LHFPL3: variants seen among roughly 807,000 people sequenced by gnomAD.
LHFPL3 encodes LHFPL tetraspan subfamily member 3, also known as LHFPL tetraspan subfamily member 3 protein.
LHFPL3 carries 5 observed loss-of-function variants against 19.3 expected under a neutral mutation model. That is an observed-to-expected ratio of 0.26 (90% CI 0.14 to 0.54). The LOEUF (loss-of-function observed/expected upper bound fraction) is 0.54. LHFPL3 is among the 20% of genes least tolerant of loss of function. The pLI is 0.94. For synonymous variants in LHFPL3, 133 were observed against 126.2 expected, an observed-to-expected ratio of 1.05 and a Z score of -0.36; for missense variants, 249 against 307.4, an observed-to-expected ratio of 0.81 and a Z score of 1.42.
chr7:104,385,996 G>T (rs558007057), intron 1 of LHFPL3, among the ~76,000 whole-genome samples: 9 of 151,966 alleles, frequency 5.9e-5, no homozygotes, highest in Non-Finnish European at 1.2e-4. Context: ...TTAACCAAAG[G>T]CTTACAAAAA....
At chr7:104,738,700 C>T (rs972132786) in intron 2 of LHFPL3, 1 of 152,128 alleles carries the variant, frequency 6.6e-6, no homozygotes, top group Admixed American at 6.5e-5. Context: ...AAAAGAACAG[C>T]TTAGAGGTAT....
chr7:104,502,231 A>T (rs1453052230), intron 1 of LHFPL3, among the ~76,000 whole-genome samples: 1 of 152,206 alleles, frequency 6.6e-6, no homozygotes, highest in Non-Finnish European at 1.5e-5. Context: ...AGGAAGCAAA[A>T]TGCAACTTGC....
intron 2 of LHFPL3, among the ~76,000 whole-genome samples, chr7:104,766,304 G>C (rs1047595753): frequency 6.6e-6 from 1 of 152,178 alleles, no homozygotes; most frequent in Non-Finnish European, 1.5e-5. Context: ...TTTGGTAGAG[G>C]CCAATATAAG....
chr7:104,582,982 T>C (rs1177147760), intron 1 of LHFPL3, among the ~76,000 whole-genome samples: 1 of 151,966 alleles, frequency 6.6e-6, no homozygotes, highest in East Asian at 1.9e-4. Context: ...TCAAAATAGA[T>C]TTGTTCAAAC....
intron 1 of LHFPL3, among the ~76,000 whole-genome samples, chr7:104,417,440 T>A (rs962840571): frequency 6.6e-6 from 1 of 152,240 alleles, no homozygotes; most frequent in African/African-American, 2.4e-5. Context: ...AAATGGTGCC[T>A]TAAGGTTGAT....
chr7:104,685,396 C>G (rs568147865), intron 1 of LHFPL3, among the ~76,000 whole-genome samples: 5 of 152,220 alleles, frequency 3.3e-5, no homozygotes, highest in Admixed American at 6.5e-5. Context: ...AGCACCAGTT[C>G]AGCCCCAACC....
chr7:104,367,138 A>T (rs1022605032), intron 1 of LHFPL3, among the ~76,000 whole-genome samples: 2 of 152,202 alleles, frequency 1.3e-5, no homozygotes, highest in South Asian at 4.1e-4. Context: ...GAGTTTGTGG[A>T]TTAATTATAT....
intron 2 of LHFPL3, among the ~76,000 whole-genome samples, chr7:104,901,333 GTTA>G (rs1352403812): frequency 2.0e-5 from 3 of 152,158 alleles, no homozygotes; most frequent in African/African-American, 7.2e-5. Flanking sequence ...ATCACAGCTG[GTTA>G]TTATTATTCA....
At chr7:104,552,427 G>C (rs1465663729) in intron 1 of LHFPL3, among the ~76,000 whole-genome samples, 1 of 152,188 alleles carries the variant, frequency 6.6e-6, no homozygotes, top group African/African-American at 2.4e-5. Flanking sequence ...AAGGAGACTA[G>C]AGTGTCACCC....
At chr7:104,824,583 A>ATATATATAATTATATATTATATATAAT (rs1790774713) in intron 2 of LHFPL3, among the ~76,000 whole-genome samples, 1 of 75,562 alleles carries the variant, frequency 1.3e-5, no homozygotes, top group Non-Finnish European at 2.3e-5. Context: ...TTTATATATA[A>ATATATATAATTATATATTATATATAAT]TATATATAAT....
intron 1 of LHFPL3, among the ~76,000 whole-genome samples, chr7:104,551,821 G>A (rs191328770): frequency 1.3e-5 from 2 of 152,262 alleles, no homozygotes; most frequent in East Asian, 1.9e-4. Flanking sequence ...GCAGGAGAAC[G>A]GAGGGAAAGA....
chr7:104,732,544 T>C (rs890268901), intron 1 of LHFPL3, among the ~76,000 whole-genome samples: 2 of 152,220 alleles, frequency 1.3e-5, no homozygotes, highest in East Asian at 1.9e-4. Flanking sequence ...GATGGTATTT[T>C]GTCTTTCTGT....
intron 2 of LHFPL3, among the ~76,000 whole-genome samples, chr7:104,794,423 A>G (rs956887725): frequency 6.6e-6 from 1 of 152,194 alleles, no homozygotes; most frequent in East Asian, 1.9e-4. Flanking sequence ...CACATGGGGA[A>G]TGGTGTTGAA....
chr7:104,721,410 G>A (rs1460157916), intron 1 of LHFPL3, among the ~76,000 whole-genome samples: 8 of 152,056 alleles, frequency 5.3e-5, no homozygotes, highest in African/African-American at 1.9e-4. Context: ...GCTAGGGGAG[G>A]GATAGCATTA....
Position 104,833,002 on chromosome 7 carries a change from A to ATATATATATTATATATAATAGATATAT in LHFPL3, c.683-73176_683-73175insTATATATAATAGATATATTATATATAT, listed in dbSNP as rs1562807962. On this transcript the variant is annotated intron_variant, in intron 2 of 2. Transcript: ENST00000424859. ...TCCTGGGTTATAGGACATATATATT[A>ATATATATATTATATATAATAGATATAT]TATATATATATTATATATAATAGAT... 6.8e-3 allele frequency among the ~76,000 whole-genome samples: 298 copies of ATATATATATTATATATAATAGATATAT among 44,094 alleles called. 21 individuals are homozygous for ATATATATATTATATATAATAGATATAT. Among genetic ancestry groups the ATATATATATTATATATAATAGATATAT allele is most frequent in the Admixed American group, 0.026 (78 of 2,956 alleles). 28.9% of individuals were successfully genotyped at this position (44,094 alleles called of 152,430 possible). A position where few individuals can be genotyped will look rare whatever the true frequency, so the allele number is the denominator to read the frequency against.
intron 1 of LHFPL3, among the ~76,000 whole-genome samples, chr7:104,381,698 G>C (rs2116452518): frequency 6.6e-6 from 1 of 152,278 alleles, no homozygotes; most frequent in Non-Finnish European, 1.5e-5. Flanking sequence ...GGCAACTTAG[G>C]ATTGTGACTT....
chr7:104,662,491 G>A (rs1178906057), intron 1 of LHFPL3, among the ~76,000 whole-genome samples: 1 of 152,112 alleles, frequency 6.6e-6, no homozygotes, highest in African/African-American at 2.4e-5. Flanking sequence ...AAGTTACACA[G>A]CTAAAAAATG....
chr7:104,410,904 T>C (rs1185822098), intron 1 of LHFPL3, among the ~76,000 whole-genome samples: 1 of 152,202 alleles, frequency 6.6e-6, no homozygotes, highest in Non-Finnish European at 1.5e-5. Context: ...TCACTGTGAT[T>C]CCGAGTGATT....
At chr7:104,341,665 G>A (rs1039136891) in intron 1 of LHFPL3, among the ~76,000 whole-genome samples, 13 of 152,146 alleles carry the variant, frequency 8.5e-5, no homozygotes, top group African/African-American at 2.9e-4. Flanking sequence ...CCAGTAAGAT[G>A]AGCAGGATAG....
Sources: allele counts gnomAD v4.1 joint callset (sites outside exome capture counted in the v4.1 genomes callset), GRCh38; gene constraint gnomAD v4.1.1; transcripts MANE v1.5; gene names NCBI Gene and HGNC (gene_info 2026-07-23, HGNC 2026-07-21).